Variants in EPB41L2 observed in about 807,000 individuals in gnomAD.
The protein encoded by EPB41L2 is band 4.1-like protein 2.
EPB41L2 carries 43 observed loss-of-function variants against 113.0 expected under a neutral mutation model. The ratio of observed to expected loss-of-function variants is 0.38; its 90% CI spans 0.30 to 0.49. The LOEUF is 0.49. Ranked by LOEUF, EPB41L2 falls within the 20% of genes least tolerant of loss-of-function variation. The pLI is 0.95. For synonymous variants in EPB41L2, 442 were observed against 436.7 expected (o/e 1.01, Z -0.15); for missense variants, 1,147 against 1,223.4 (o/e 0.94, Z 0.93).
At chr6:130,888,747 C>T (rs1395104543) in intron 11 of EPB41L2, among the ~76,000 whole-genome samples, 1 of 152,130 alleles carries the variant, frequency 6.6e-6, no homozygotes, top group Non-Finnish European at 1.5e-5. Context: ...GAAAAGTGCT[C>T]AGTTGTTGAA....
At chr6:130,890,578 G>T in intron 10 of EPB41L2, 112 bp from the exon 11 acceptor site, 1 of 1,241,980 alleles carries the variant, frequency 8.1e-7, no homozygotes, top group Non-Finnish European at 1.1e-6. Context: ...CTCATTTTAA[G>T]TATGATTACT....
chr6:130,976,753 ACAAT>A (rs1261621314), intron 1 of EPB41L2, among the ~76,000 whole-genome samples: 3 of 152,358 alleles, frequency 2.0e-5, no homozygotes, highest in Admixed American at 6.5e-5. Context: ...TTTAAATTAC[ACAAT>A]CAGACAAGTA....
intron 4 of EPB41L2, among the ~76,000 whole-genome samples, chr6:130,924,906 G>C (rs1205993877): frequency 6.6e-6 from 1 of 152,166 alleles, no homozygotes; most frequent in Non-Finnish European, 1.5e-5. Flanking sequence ...ATACAGATAA[G>C]TAAGTCATGG....
chr6:130,916,431 A>G (rs532614113), intron 4 of EPB41L2, among the ~76,000 whole-genome samples: 23 of 150,120 alleles, frequency 1.5e-4, no homozygotes, highest in African/African-American at 5.1e-4. Context: ...ATCTAGGGGG[A>G]AAAAAAAAGC....
chr6:130,846,893 G>C (rs535012785), intron 19 of EPB41L2, among the ~76,000 whole-genome samples: 2 of 152,164 alleles, frequency 1.3e-5, no homozygotes, highest in Non-Finnish European at 2.9e-5. Flanking sequence ...TCCTGGCTTT[G>C]CTTCCAAGTT....
intron 1 of EPB41L2, among the ~76,000 whole-genome samples, chr6:131,040,724 G>A (rs980934104): frequency 3.0e-4 from 46 of 152,200 alleles, no homozygotes; most frequent in African/African-American, 1.0e-3. Flanking sequence ...TTCACTAATA[G>A]TGAGATAACT....
intron 1 of EPB41L2, among the ~76,000 whole-genome samples, chr6:131,031,101 A>AT (rs1271569164): frequency 6.6e-6 from 1 of 152,028 alleles, no homozygotes; most frequent in East Asian, 1.9e-4. Context: ...AAAAAAAAAA[A>AT]GTTTATAATG....
rs532216836 is a variant in EPB41L2 at position 131,018,289 on chromosome 6, C to T, written c.-15+44866G>A. 6.2e-4 allele frequency among the ~76,000 whole-genome samples: 94 copies of T among 152,122 alleles called. No homozygotes were observed. The South Asian group carries it at 0.019, about 31-fold the overall frequency. On this transcript the variant is annotated intron_variant, in intron 1 of 19. Coordinates refer to ENST00000337057, the MANE Select transcript of EPB41L2 (RefSeq NM_001431.4). Reference sequence around the variant, plus strand: ...ACTTCAAGGGTGGGGGAAGAAAGACCGGACCCCATATTCAAGGAGTAAAAC... The same window carrying T: ...ACTTCAAGGGTGGGGGAAGAAAGACTGGACCCCATATTCAAGGAGTAAAAC...
At chr6:130,857,504 A>T (rs959180355) in intron 19 of EPB41L2, among the ~76,000 whole-genome samples, 1 of 150,540 alleles carries the variant, frequency 6.6e-6, no homozygotes, top group Non-Finnish European at 1.5e-5. Context: ...CCATTTTTAC[A>T]CAGTCAAAGA....
chr6:130,865,862 AG>A (rs1783588270), intron 16 of EPB41L2: 4 of 507,882 alleles, frequency 7.9e-6, no homozygotes, highest in Admixed American at 3.6e-5. Flanking sequence ...AAAAGAGAGG[AG>A]AATGGACATA....
chr6:130,843,473 C>A (rs1776129243), intron 19 of EPB41L2, among the ~76,000 whole-genome samples: 1 of 152,204 alleles, frequency 6.6e-6, no homozygotes, highest in Non-Finnish European at 1.5e-5. Context: ...GAAGTCTGGG[C>A]ATCTTTGTCA....
chr6:130,888,268 C>T (rs985623429), intron 11 of EPB41L2, among the ~76,000 whole-genome samples: 8 of 152,044 alleles, frequency 5.3e-5, no homozygotes, highest in Middle Eastern at 3.2e-3. Flanking sequence ...CATGTATTGG[C>T]GTTAAAAGCC....
rs1355522891 is a variant in EPB41L2, at chr6:130,956,295, C to G, written c.191G>C (p.Arg64Thr). 6.2e-7 allele frequency: 1 copy of G among 1,614,160 alleles called. No individual in the cohort carries two copies. Among genetic ancestry groups the G allele is most frequent in the Non-Finnish European group, 8.5e-7 (1 of 1,180,032 alleles). ...CCTGCTCTCCGATGTTTCCTTCTCT[C>G]TCTTCTGGCGGCGTAGACTACTTTG... Reference protein sequence around the residue: ...ESQSSLRRQKREKETSESRGI... With the variant: ...ESQSSLRRQKTEKETSESRGI... Residue 64 changes from arginine (R) to threonine (T), a missense_variant, in exon 2 of 20, where the codon AGA (arginine) becomes ACA (threonine). Physicochemically the swap from Arg to Thr is moderately conservative, Grantham distance 71 (BLOSUM62 -1). Coordinates refer to ENST00000337057, the MANE Select transcript of EPB41L2 (RefSeq NM_001431.4).
chr6:130,883,614 G>A (rs1353362449), intron 12 of EPB41L2, among the ~76,000 whole-genome samples: 1 of 152,158 alleles, frequency 6.6e-6, no homozygotes, highest in Non-Finnish European at 1.5e-5. Flanking sequence ...AAGTTAACTA[G>A]GCAAAATGGA....
At chr6:130,855,531 T>C (rs752864737) in intron 19 of EPB41L2, among the ~76,000 whole-genome samples, 2 of 152,138 alleles carry the variant, frequency 1.3e-5, no homozygotes, top group African/African-American at 4.8e-5. Flanking sequence ...GAATCTCAGA[T>C]ATGAAGAGTC....
chr6:130,873,469 T>TG (rs1195699340), intron 14 of EPB41L2, among the ~76,000 whole-genome samples: 2 of 151,286 alleles, frequency 1.3e-5, no homozygotes, highest in Non-Finnish European at 3.0e-5. Context: ...TATTCAGGTT[T>TG]TTTTTTTTTT....
chr6:131,028,093 C>T (rs1485914868), intron 1 of EPB41L2, among the ~76,000 whole-genome samples: 1 of 152,184 alleles, frequency 6.6e-6, no homozygotes, highest in East Asian at 1.9e-4. Context: ...CTCATTACCA[C>T]TATCAGTAAA....
rs1775138023 is a variant in EPB41L2 at position 130,840,606 on chromosome 6, A to G, written c.*6-8T>C. The G allele has an allele frequency of 7.2e-6, 1 of 138,774 alleles. No homozygotes were observed. The highest frequency in any genetic ancestry group is 1.5e-5 in the Non-Finnish European group (1 of 65,962). 8.6% of individuals were successfully genotyped at this position (138,774 alleles called of 1,614,324 possible). Reference sequence around the variant, plus strand: ...TGTTTAAAAAATGACTTTCTAGAAGAGAAAAAAAAAAAAAAAACAGAAGGC... The same window carrying G: ...TGTTTAAAAAATGACTTTCTAGAAGGGAAAAAAAAAAAAAAAACAGAAGGC... On this transcript the variant is annotated splice_region_variant and splice_polypyrimidine_tract_variant and intron_variant, in intron 19 of 19. Coordinates refer to ENST00000337057, the MANE Select transcript of EPB41L2 (RefSeq NM_001431.4).
chr6:130,933,450 T>C (rs1205413305), intron 3 of EPB41L2, among the ~76,000 whole-genome samples: 1 of 152,168 alleles, frequency 6.6e-6, no homozygotes, highest in African/African-American at 2.4e-5. Context: ...TAACCCTACT[T>C]ATACCACTCA....
Sources: allele counts gnomAD v4.1 joint callset (sites outside exome capture counted in the v4.1 genomes callset), GRCh38; gene constraint gnomAD v4.1.1; transcripts MANE v1.5; gene names NCBI Gene and HGNC (gene_info 2026-07-23, HGNC 2026-07-21).